The following TRAPPC3L variants were observed in gnomAD, a reference collection of about 807,000 sequenced individuals.
TRAPPC3L encodes the protein trafficking protein particle complex subunit 3-like protein.
In TRAPPC3L, 23 loss-of-function variants were observed where a neutral mutation model predicts 23.7. The ratio of observed to expected loss-of-function variants is 0.97; its 90% confidence interval spans 0.70 to 1.37. TRAPPC3L has a LOEUF of 1.37. Among genes scored for constraint, TRAPPC3L ranks in the 40% most tolerant of loss-of-function variants. The pLI is 0.00. For synonymous variants in TRAPPC3L, 81 were observed against 77.9 expected (o/e 1.04, Z -0.21); for missense variants, 212 against 216.8 (o/e 0.98, Z 0.14).
chr6:116,508,484 C>G (rs1772045892), intron 3 of TRAPPC3L, among the ~76,000 whole-genome samples: 1 of 152,094 alleles, frequency 6.6e-6, no homozygotes. Context: ...TAGAAGGATC[C>G]TTTTCTTGTC....
chr6:116,545,577 G>A lies in TRAPPC3L; in HGVS notation c.-63C>T. 4 of 1,431,988 alleles carry A rather than the reference G, an allele frequency of 2.8e-6. No homozygotes were observed. Among genetic ancestry groups the A allele is most frequent in the Non-Finnish European group, 3.8e-6 (4 of 1,045,550 alleles). 88.7% of individuals were successfully genotyped at this position (1,431,988 alleles called of 1,614,324 possible). On this transcript the variant is annotated 5_prime_UTR_variant, in exon 1 of 5. Transcript: ENST00000368602. ...CTTCTTTTGCCTGTTTCTTAGAGGT[G>A]TATCAGTCCATGTCTTTTTGTTTTG...
intron 3 of TRAPPC3L, chr6:116,517,150 C>T (rs1583271818): frequency 6.6e-6 from 1 of 152,126 alleles, no homozygotes; most frequent in Middle Eastern, 3.4e-3. Context: ...CCTTCATGAC[C>T]CAATTACTTC....
In TRAPPC3L at chr6:116,495,966, C is replaced by A. The variant is rs1433114359; in HGVS notation, c.*988G>T. 1.3e-5 allele frequency: 2 copies of A among 152,172 alleles called. No individual in the cohort carries two copies. The highest frequency in any genetic ancestry group is 2.9e-5 in the Non-Finnish European group (2 of 68,024). The allele number at this position is 152,172 out of a possible 1,614,324, so 9.4% of individuals were successfully genotyped here. On this transcript the variant is annotated 3_prime_UTR_variant, in exon 5 of 5. Coordinates refer to ENST00000368602, the MANE Select transcript of TRAPPC3L (RefSeq NM_001139444.3). Reference sequence around the variant, plus strand: ...CAGATACATAGTTTACAAATATTTTCTCCAATTCCGTAGGGTGGTATCACA... The same window carrying A: ...CAGATACATAGTTTACAAATATTTTATCCAATTCCGTAGGGTGGTATCACA...
intron 3 of TRAPPC3L, among the ~76,000 whole-genome samples, chr6:116,539,430 G>A (rs1773294476): frequency 6.6e-6 from 1 of 152,012 alleles, no homozygotes; most frequent in African/African-American, 2.4e-5. Flanking sequence ...CTTTCATTTG[G>A]ATTGTATTTT....
chr6:116,511,372 C>T (rs1010886283), intron 3 of TRAPPC3L, among the ~76,000 whole-genome samples: 1 of 151,944 alleles, frequency 6.6e-6, no homozygotes, highest in Non-Finnish European at 1.5e-5. Flanking sequence ...AATTCCTAGA[C>T]TATTATTTGT....
intron 3 of TRAPPC3L, chr6:116,515,657 T>TTAG: frequency 1.2e-6 from 2 of 1,614,034 alleles, no homozygotes; most frequent in Non-Finnish European, 1.7e-6. Flanking sequence ...CACCACATGT[T>TTAG]ATGCTCGCTG....
chr6:116,514,602 C>T (rs889278484), intron 3 of TRAPPC3L, among the ~76,000 whole-genome samples: 6 of 152,072 alleles, frequency 3.9e-5, no homozygotes, highest in Admixed American at 6.6e-5. Context: ...AAAAAGAATA[C>T]GCATAGTAAG....
At chr6:116,510,290 T>C (rs1322632434) in intron 3 of TRAPPC3L, among the ~76,000 whole-genome samples, 1 of 152,152 alleles carries the variant, frequency 6.6e-6, no homozygotes, top group Non-Finnish European at 1.5e-5. Context: ...TCCTTCTATG[T>C]ATTTATTTAT....
At chr6:116,511,081 G>C (rs912667521) in intron 3 of TRAPPC3L, among the ~76,000 whole-genome samples, 2 of 146,318 alleles carry the variant, frequency 1.4e-5, no homozygotes, top group African/African-American at 5.0e-5. Flanking sequence ...CCGGTGATGG[G>C]TGCACTAAAA....
intron 3 of TRAPPC3L, among the ~76,000 whole-genome samples, chr6:116,501,253 A>G (rs1771908266): frequency 6.6e-6 from 1 of 152,194 alleles, no homozygotes; most frequent in South Asian, 2.1e-4. Context: ...CTAGCACAGA[A>G]GCCTGAGATC....
intron 3 of TRAPPC3L, among the ~76,000 whole-genome samples, chr6:116,526,503 A>G (rs1772441221): frequency 6.6e-6 from 1 of 152,160 alleles, no homozygotes; most frequent in African/African-American, 2.4e-5. Flanking sequence ...ATTCCCAGAG[A>G]CCACAATTTA....
At chr6:116,507,569 C>A (rs529991100) in intron 3 of TRAPPC3L, among the ~76,000 whole-genome samples, 2 of 152,238 alleles carry the variant, frequency 1.3e-5, no homozygotes, top group African/African-American at 2.4e-5. Flanking sequence ...CTATGACCTG[C>A]CCATGGGTCA....
At chr6:116,543,839 C>A in intron 1 of TRAPPC3L, 1 of 1,534,274 alleles carries the variant, frequency 6.5e-7, no homozygotes, top group Non-Finnish European at 8.7e-7. Context: ...GCCAAGGAGA[C>A]CTTCAGGATA....
intron 3 of TRAPPC3L, among the ~76,000 whole-genome samples, chr6:116,506,232 A>C (rs907435671): frequency 3.3e-5 from 5 of 152,244 alleles, no homozygotes; most frequent in African/African-American, 1.2e-4. Context: ...TGTCAAAAAA[A>C]GACATTTATG....
intron 3 of TRAPPC3L, among the ~76,000 whole-genome samples, chr6:116,513,095 A>G (rs1772156473): frequency 6.6e-6 from 1 of 152,172 alleles, no homozygotes; most frequent in Non-Finnish European, 1.5e-5. Flanking sequence ...AAGCAAAACA[A>G]GTGGTAAGAG....
chr6:116,516,186 C>A, intron 3 of TRAPPC3L: 1 of 604,548 alleles, frequency 1.7e-6, no homozygotes, highest in Non-Finnish European at 2.5e-6. Context: ...TGAGGGGTGA[C>A]AAAGGTGCTC....
At chr6:116,521,956 C>G (rs1050581721) in intron 3 of TRAPPC3L, 2 of 152,038 alleles carry the variant, frequency 1.3e-5, no homozygotes, top group Non-Finnish European at 2.9e-5. Flanking sequence ...TATGTAAGAA[C>G]TGCAATTACT....
intron 3 of TRAPPC3L, among the ~76,000 whole-genome samples, chr6:116,530,223 C>A (rs984423805): frequency 6.6e-6 from 1 of 152,086 alleles, no homozygotes; most frequent in Non-Finnish European, 1.5e-5. Flanking sequence ...ACCACCCCCC[C>A]TCCTTTTTAA....
intron 3 of TRAPPC3L, among the ~76,000 whole-genome samples, chr6:116,537,065 T>C (rs1773141611): frequency 6.6e-6 from 1 of 152,118 alleles, no homozygotes; most frequent in Admixed American, 6.6e-5. Context: ...GAACATTTTG[T>C]TGGAGAAGTA....
Sources: allele counts gnomAD v4.1 joint callset (sites outside exome capture counted in the v4.1 genomes callset), GRCh38; gene constraint gnomAD v4.1.1; transcripts MANE v1.5; gene names NCBI Gene and HGNC (gene_info 2026-07-23, HGNC 2026-07-21).